DOCK3: variants seen among roughly 807,000 people sequenced by gnomAD.
The protein encoded by DOCK3 is dedicator of cytokinesis 3.
DOCK3 carries 60 observed loss-of-function variants against 265.6 expected under a neutral mutation model. That is an observed-to-expected ratio of 0.23 (90% CI 0.18 to 0.28). The LOEUF (loss-of-function observed/expected upper bound fraction) is 0.28. Among genes scored for constraint, DOCK3 ranks in the 10% least tolerant of loss-of-function variants. DOCK3 has a pLI of 1.00. For synonymous variants in DOCK3, 881 were observed against 938.0 expected (o/e 0.94, Z 1.11); for missense variants, 1,981 against 2,594.3 (o/e 0.76, Z 5.14).
chr3:50,987,239 A>G (rs546520203), intron 5 of DOCK3, among the ~76,000 whole-genome samples: 1 of 152,206 alleles, frequency 6.6e-6, no homozygotes, highest in Admixed American at 6.5e-5. Flanking sequence ...TCTTTTTTAT[A>G]TTGATTTAAT....
At chr3:51,091,404 C>T (rs1471321801) in intron 9 of DOCK3, among the ~76,000 whole-genome samples, 1 of 152,018 alleles carries the variant, frequency 6.6e-6, no homozygotes, top group African/African-American at 2.4e-5. Flanking sequence ...TTATTGTGGC[C>T]CAGGAGCAAT....
At chr3:51,227,538 C>T in intron 16 of DOCK3, 93 bp downstream of exon 16, 4 of 1,526,394 alleles carry the variant, frequency 2.6e-6, no homozygotes, top group Middle Eastern at 1.8e-4. Flanking sequence ...CTTATTTGGG[C>T]AAGAAAATGA....
chr3:51,209,317 A>G (rs2089387592), intron 13 of DOCK3, among the ~76,000 whole-genome samples: 1 of 152,208 alleles, frequency 6.6e-6, no homozygotes, highest in Non-Finnish European at 1.5e-5. Context: ...AGTATCGGTC[A>G]TTCTGAAACT....
chr3:50,883,594 G>A (rs2107676128), intron 3 of DOCK3, among the ~76,000 whole-genome samples: 1 of 151,970 alleles, frequency 6.6e-6, no homozygotes, highest in Non-Finnish European at 1.5e-5. Flanking sequence ...TTCCATTCCT[G>A]AAATGTATTT....
chr3:50,968,129 A>G (rs987222402), intron 5 of DOCK3, among the ~76,000 whole-genome samples: 3 of 152,210 alleles, frequency 2.0e-5, no homozygotes, highest in Middle Eastern at 6.8e-3. Flanking sequence ...GATGTTGAGC[A>G]TGTCTTCATT....
chr3:50,870,620 G>A (rs1234540676), intron 3 of DOCK3, among the ~76,000 whole-genome samples: 1 of 151,914 alleles, frequency 6.6e-6, no homozygotes, highest in Non-Finnish European at 1.5e-5. Flanking sequence ...CATTATTATT[G>A]ATAAGTAAGG....
chr3:51,142,723 C>T (rs559249105), intron 9 of DOCK3, among the ~76,000 whole-genome samples: 105 of 151,946 alleles, frequency 6.9e-4, no homozygotes, highest in Non-Finnish European at 1.3e-3. Context: ...TTTCATTTCT[C>T]CTGAGTAAAC....
At chr3:51,108,591 A>G (rs2083387689) in intron 9 of DOCK3, among the ~76,000 whole-genome samples, 1 of 152,220 alleles carries the variant, frequency 6.6e-6, no homozygotes, top group Admixed American at 6.5e-5. Context: ...GCACAGAGTA[A>G]CAAGGTGGAT....
chr3:51,063,527 A>G (rs1021842691), intron 5 of DOCK3, among the ~76,000 whole-genome samples: 3 of 152,296 alleles, frequency 2.0e-5, no homozygotes, highest in African/African-American at 7.2e-5. Flanking sequence ...ATTTTGGCAA[A>G]CATCTTTTTT....
At chr3:51,280,857 TC>T (rs1415484696) in intron 27 of DOCK3, among the ~76,000 whole-genome samples, 2 of 152,298 alleles carry the variant, frequency 1.3e-5, no homozygotes, top group East Asian at 3.9e-4. Context: ...GTTTCCTGGC[TC>T]AGCCTGACTC....
At chr3:50,714,746 C>T (rs944115361) in intron 1 of DOCK3, among the ~76,000 whole-genome samples, 7 of 152,168 alleles carry the variant, frequency 4.6e-5, no homozygotes, top group Admixed American at 3.9e-4. Flanking sequence ...TTCTAACTAC[C>T]TCTCTAAGTC....
At chr3:51,271,339 A>G (rs2080483039) in intron 24 of DOCK3, among the ~76,000 whole-genome samples, 1 of 152,182 alleles carries the variant, frequency 6.6e-6, no homozygotes, top group African/African-American at 2.4e-5. Flanking sequence ...GGAGGTTAGG[A>G]AGTCTAAGAT....
chr3:50,724,681 T>C (rs997818608), intron 1 of DOCK3, among the ~76,000 whole-genome samples: 11 of 143,466 alleles, frequency 7.7e-5, no homozygotes, highest in African/African-American at 2.4e-4. Flanking sequence ...CACCGGGGCC[T>C]GTCGGGGGAT....
chr3:51,144,574 C>T (rs1397660639), intron 9 of DOCK3, among the ~76,000 whole-genome samples: 2 of 152,118 alleles, frequency 1.3e-5, no homozygotes, highest in African/African-American at 4.8e-5. Context: ...TGACCAAAGC[C>T]CCTTTTCTCT....
At chr3:50,760,744 T>C (rs1422164280) in intron 1 of DOCK3, among the ~76,000 whole-genome samples, 1 of 152,186 alleles carries the variant, frequency 6.6e-6, no homozygotes, top group Non-Finnish European at 1.5e-5. Flanking sequence ...GCAATCTTGC[T>C]GAACTAGTTT....
intron 5 of DOCK3, among the ~76,000 whole-genome samples, chr3:51,002,638 G>A (rs1200891098): frequency 6.6e-6 from 1 of 152,156 alleles, no homozygotes; most frequent in Non-Finnish European, 1.5e-5. Context: ...GGCATTTGGA[G>A]ATCCAGTTGT....
At chr3:51,260,417 C>T in intron 23 of DOCK3, 91 bp downstream of exon 23, 1 of 1,381,152 alleles carries the variant, frequency 7.2e-7, no homozygotes, top group African/African-American at 1.5e-5. Flanking sequence ...TGAAGAAGCC[C>T]TGCCAGGATC....
At chr3:51,333,383 C>A in intron 35 of DOCK3, 130 bp downstream of exon 35, 1 of 924,840 alleles carries the variant, frequency 1.1e-6, no homozygotes, top group Admixed American at 1.8e-5. Flanking sequence ...TGGGTGCCAT[C>A]ACCAGTCAAT....
At chr3:51,256,524 G>A (rs10446472) in intron 22 of DOCK3, among the ~76,000 whole-genome samples, 15,931 of 150,786 alleles carry the variant, frequency 0.11, 1,079 homozygotes, top group Middle Eastern at 0.19. Flanking sequence ...GGCTGCCTTG[G>A]CATCCCAAAG....
Sources: gnomAD v4.1 joint callset for allele counts (sites outside exome capture counted in the v4.1 genomes callset) on GRCh38, gnomAD v4.1.1 for gene constraint, MANE v1.5 for transcripts, NCBI Gene and HGNC (gene_info 2026-07-23, HGNC 2026-07-21) for gene names.